The following MLKL variants were observed in gnomAD, a reference collection of about 807,000 sequenced individuals.
The protein encoded by MLKL is mixed lineage kinase domain like pseudokinase, also known as mixed lineage kinase domain-like protein.
A neutral mutation model predicts 56.5 loss-of-function variants in MLKL; 55 were observed. That is an observed-to-expected ratio of 0.97 (90% CI 0.78 to 1.22). MLKL has a LOEUF of 1.22. MLKL is among the 50% of genes most tolerant of loss of function. The probability of loss-of-function intolerance (pLI) is 0.00; values close to 1 mark genes in which losing one functional copy is unlikely to be tolerated. For synonymous variants in MLKL, 251 were observed against 208.3 expected, an observed-to-expected ratio of 1.20 and a Z score of -1.76; for missense variants, 694 against 573.9, an observed-to-expected ratio of 1.21 and a Z score of -2.14.
At chr16:74,686,418 T>C (rs61257055) in intron 4 of MLKL, among the ~76,000 whole-genome samples, 1 of 152,138 alleles carries the variant, frequency 6.6e-6, no homozygotes, top group Non-Finnish European at 1.5e-5. Context: ...CCGTCTCTAC[T>C]AAAAATACAA....
At position 74,675,696 on chromosome 16, in the gene MLKL, G is replaced by C. The variant is rs140693425; in HGVS notation, c.1107C>G (p.Asp369Glu). 25 of 1,596,466 alleles carry C rather than the reference G, an allele frequency of 1.6e-5. No individual in the cohort carries two copies. Among genetic ancestry groups the C allele is most frequent in the Middle Eastern group, 3.3e-4 (2 of 6,062 alleles). The change falls in exon 8 of 11, where the codon GAC (aspartate) becomes GAG (glutamate). Residue 369 changes from aspartate (D) to glutamate (E), a missense_variant. Physicochemically the swap from Asp to Glu is conservative, Grantham distance 45. Coordinates refer to ENST00000308807, the MANE Select transcript of MLKL (RefSeq NM_152649.4). ...MSLGTTREKT[D>E]RVKSTAYLSP... ...AGAGATATGCTGTAGATTTGACTCT[G>C]TCTGTCTTTTCTCTCGTAGTTCCCA...
At chr16:74,689,818 G>A (rs994105307) in intron 4 of MLKL, among the ~76,000 whole-genome samples, 1 of 152,128 alleles carries the variant, frequency 6.6e-6, no homozygotes, top group African/African-American at 2.4e-5. Flanking sequence ...AGATGGTATA[G>A]AGAAAACTGA....
At chr16:74,680,784 C>T (rs529658036) in intron 6 of MLKL, among the ~76,000 whole-genome samples, 50 of 152,144 alleles carry the variant, frequency 3.3e-4, no homozygotes, top group Non-Finnish European at 5.3e-4. Flanking sequence ...GGATTATAGA[C>T]GTGAGCTACT....
intron 4 of MLKL, among the ~76,000 whole-genome samples, chr16:74,690,275 G>A (rs1431042632): frequency 6.6e-6 from 1 of 152,184 alleles, no homozygotes; most frequent in African/African-American, 2.4e-5. Flanking sequence ...TAACACTAAG[G>A]GTTGGTGAGG....
rs766778964 is a variant in MLKL at position 74,679,000 on chromosome 16, G to T, written c.957-20C>A. ...TGTAGCCTGACACAGCCAAAGGCGGGGAGCATAAGTACCTTTGCCCAAACT... is the reference window on the plus strand; with the variant it reads ...TGTAGCCTGACACAGCCAAAGGCGGTGAGCATAAGTACCTTTGCCCAAACT... On this transcript the variant is annotated intron_variant, in intron 6 of 10. Transcript: ENST00000308807. The T allele has an allele frequency of 3.7e-6, 6 of 1,608,668 alleles. No individual in the cohort carries two copies. The highest frequency in any genetic ancestry group is 4.3e-6 in the Non-Finnish European group (5 of 1,175,348).
rs192215955 is a variant in MLKL, at chr16:74,694,515, A to C, written c.460+783T>G. On this transcript the variant is annotated intron_variant, in intron 2 of 10. Coordinates refer to ENST00000308807, the MANE Select transcript of MLKL (RefSeq NM_152649.4). ...CGACCTCCTAGGTGCCTGTAATCCC[A>C]GCACTTTGGGAGGCTGAGGCAAGAG... 1.9e-3 allele frequency among the ~76,000 whole-genome samples: 294 copies of C among 152,044 alleles called. 1 individual carries two copies. Among genetic ancestry groups the C allele is most frequent in the African/African-American group, 6.7e-3 (277 of 41,462 alleles).
At chr16:74,691,550 T>TG in intron 3 of MLKL, 87 bp from the exon 4 acceptor site, 5 of 1,403,964 alleles carry the variant, frequency 3.6e-6, no homozygotes, top group Non-Finnish European at 2.9e-6. Context: ...TTGTGATGTG[T>TG]GAGTGGGAAG....
At chr16:74,698,739 G>A (rs1406654766) in intron 1 of MLKL, among the ~76,000 whole-genome samples, 4 of 152,136 alleles carry the variant, frequency 2.6e-5, no homozygotes, top group Non-Finnish European at 1.5e-5. Flanking sequence ...GAACTAATCA[G>A]AAAGGAAAAT....
At position 74,671,905 on chromosome 16, in the gene MLKL, C is replaced by A. The variant is rs565764201; in HGVS notation, c.*599G>T. ...TTTAGCTCCTGATTGTGTGAATGGG[C>A]AATTTGGGCTGGGATCTGCTTGAGT... On this transcript the variant is annotated 3_prime_UTR_variant, in exon 11 of 11. Coordinates refer to ENST00000308807, the MANE Select transcript of MLKL (RefSeq NM_152649.4). 6.6e-6 allele frequency: 1 copy of A among 152,324 alleles called. No homozygotes were observed. The highest frequency in any genetic ancestry group is 2.1e-4 in the South Asian group (1 of 4,820). The allele number at this position is 152,324 out of a possible 1,614,324, so 9.4% of individuals were successfully genotyped here. A position where few individuals can be genotyped will look rare whatever the true frequency, so the allele number is the denominator to read the frequency against.
At chr16:74,672,796 A>T (rs1412158625) in intron 10 of MLKL, among the ~76,000 whole-genome samples, 2 of 152,182 alleles carry the variant, frequency 1.3e-5, no homozygotes, top group African/African-American at 2.4e-5. Flanking sequence ...TAGATTCCTT[A>T]ATACTAGGAG....
chr16:74,685,361 G>T, intron 5 of MLKL, 125 bp downstream of exon 5: 1 of 706,570 alleles, frequency 1.4e-6, no homozygotes, highest in Non-Finnish European at 2.4e-6. Context: ...AATTAACATT[G>T]ATAATAATCA....
chr16:74,696,652 A>G (rs1961059843), intron 1 of MLKL, among the ~76,000 whole-genome samples: 1 of 151,712 alleles, frequency 6.6e-6, no homozygotes, highest in South Asian at 2.1e-4. Context: ...ATAAAATAAA[A>G]TGAAATAAAT....
At chr16:74,684,016 TGGCTCACTGCAAC>T (rs1960162066) in intron 5 of MLKL, among the ~76,000 whole-genome samples, 1 of 151,336 alleles carries the variant, frequency 6.6e-6, no homozygotes, top group African/African-American at 2.4e-5. Context: ...GGCATGATAT[TGGCTCACTGCAAC>T]CTCCGCCTCC....
intron 1 of MLKL, among the ~76,000 whole-genome samples, chr16:74,700,216 C>T (rs1232497476): frequency 1.3e-5 from 2 of 152,144 alleles, no homozygotes; most frequent in East Asian, 3.8e-4. Context: ...GTAACTTGTT[C>T]CCGTGCCCCT....
At chr16:74,675,823 GCAGGGATTGTTGCTACACACAATTGC>G in intron 7 of MLKL, 59 bp from the exon 8 acceptor site, 1 of 1,557,554 alleles carries the variant, frequency 6.4e-7, no homozygotes, top group Non-Finnish European at 8.8e-7. Flanking sequence ...GGAGTAAAGG[GCAGGGATTGTTGCTACACACAATTGC>G]CAGGGAATTG....
At chr16:74,678,859 T>C in intron 7 of MLKL, 40 bp downstream of exon 7, 1 of 1,469,212 alleles carries the variant, frequency 6.8e-7, no homozygotes, top group Non-Finnish European at 9.5e-7. Flanking sequence ...GCACCAGTCA[T>C]GCAGGTTTGA....
intron 1 of MLKL, among the ~76,000 whole-genome samples, chr16:74,698,213 A>ACAC (rs763138569): frequency 1.5e-4 from 23 of 152,118 alleles, no homozygotes; most frequent in South Asian, 4.2e-4. Flanking sequence ...TGTCTCAAAA[A>ACAC]CACCACCACC....
At position 74,678,980 on chromosome 16, in the gene MLKL, C is replaced by T. The variant is rs746711798; in HGVS notation, c.957G>A (p.Arg319=). 6 of 1,613,548 alleles carry T rather than the reference C, an allele frequency of 3.7e-6. No individual in the cohort carries two copies. Among genetic ancestry groups the T allele is most frequent in the African/African-American group, 1.3e-5 (1 of 74,874 alleles). ...LVLGAARGLY[R]LHHSEAPELH... ...GTTCAGGTGCTTCTGAATGGTGTAG[C>T]CTGACACAGCCAAAGGCGGGGAGCA... is the stretch of plus-strand genomic sequence containing the variant. The change falls in exon 7 of 11, where the codon CGG becomes CGA. Residue 319 remains arginine (R), a splice_region_variant and synonymous_variant. Coordinates refer to ENST00000308807, the MANE Select transcript of MLKL (RefSeq NM_152649.4).
intron 6 of MLKL, among the ~76,000 whole-genome samples, chr16:74,681,223 G>A (rs887511819): frequency 7.2e-5 from 11 of 151,726 alleles, no homozygotes; most frequent in East Asian, 2.0e-4. Flanking sequence ...ACAGGGTTTC[G>A]CCACGTTGGC....
Sources: gnomAD v4.1 joint callset for allele counts (sites outside exome capture counted in the v4.1 genomes callset) on GRCh38, gnomAD v4.1.1 for gene constraint, MANE v1.5 for transcripts, NCBI Gene and HGNC (gene_info 2026-07-23, HGNC 2026-07-21) for gene names.